Variants in DLGAP2 observed in about 807,000 individuals in gnomAD.
DLGAP2 encodes the protein DLG associated protein 2, also known as disks large-associated protein 2.
DLGAP2 carries 26 observed loss-of-function variants against 100.3 expected under a neutral mutation model. The observed-to-expected ratio is 0.26, with a 90% CI of 0.19 to 0.36. DLGAP2 has a LOEUF of 0.36. Among genes scored for constraint, DLGAP2 ranks in the 10% least tolerant of loss-of-function variants. DLGAP2 has a pLI of 1.00. For synonymous variants in DLGAP2, 886 were observed against 630.1 expected, an observed-to-expected ratio of 1.41 and a Z score of -6.08; for missense variants, 1,858 against 1,453.2, an observed-to-expected ratio of 1.28 and a Z score of -4.53.
chr8:1,436,894 A>C (rs1797648053), intron 3 of DLGAP2, among the ~76,000 whole-genome samples: 1 of 152,234 alleles, frequency 6.6e-6, no homozygotes, highest in African/African-American at 2.4e-5. Context: ...ATGTTGAGAT[A>C]CACAACTTCT....
intron 2 of DLGAP2, among the ~76,000 whole-genome samples, chr8:1,017,594 G>A: frequency 7.0e-6 from 1 of 143,220 alleles, no homozygotes; most frequent in Admixed American, 6.9e-5. Flanking sequence ...CCTCCACTGT[G>A]TGTGACCAGG....
intron 2 of DLGAP2, among the ~76,000 whole-genome samples, chr8:1,104,045 G>T (rs1585062739): frequency 6.6e-6 from 1 of 152,184 alleles, no homozygotes; most frequent in African/African-American, 2.4e-5. Flanking sequence ...ACACAGGATT[G>T]CTCGGCCGGC....
At chr8:1,117,228 G>A (rs547800882) in intron 2 of DLGAP2, among the ~76,000 whole-genome samples, 1 of 152,332 alleles carries the variant, frequency 6.6e-6, no homozygotes, top group South Asian at 2.1e-4. Context: ...GCACAGTGCC[G>A]AGCTAGTGCC....
intron 2 of DLGAP2, among the ~76,000 whole-genome samples, chr8:1,104,630 C>T (rs1804695804): frequency 6.6e-6 from 1 of 152,176 alleles, no homozygotes; most frequent in South Asian, 2.1e-4. Flanking sequence ...TGGGCTGCTC[C>T]AGGAAATCGC....
At chr8:1,436,722 C>CACCCATTCACTCACCCACTT (rs999778069) in intron 3 of DLGAP2, among the ~76,000 whole-genome samples, 5 of 152,190 alleles carry the variant, frequency 3.3e-5, no homozygotes, top group Non-Finnish European at 7.3e-5. Context: ...ACTCCCCACT[C>CACCCATTCACTCACCCACTT]ACCCATTCAC....
chr8:1,580,191 C>G (rs1316563262), intron 6 of DLGAP2, among the ~76,000 whole-genome samples: 1 of 152,164 alleles, frequency 6.6e-6, no homozygotes, highest in Non-Finnish European at 1.5e-5. Context: ...CCTTCAAACT[C>G]TCAGAGAAAA....
chr8:764,425 T>C (rs1056414223), intron 1 of DLGAP2, among the ~76,000 whole-genome samples: 23 of 152,352 alleles, frequency 1.5e-4, no homozygotes, highest in Admixed American at 8.5e-4. Flanking sequence ...ACGCCTATTA[T>C]ATACTTTGTC....
At chr8:774,367 T>C (rs1821451814) in intron 1 of DLGAP2, among the ~76,000 whole-genome samples, 1 of 152,250 alleles carries the variant, frequency 6.6e-6, no homozygotes, top group Admixed American at 6.5e-5. Context: ...ATCCCATTTG[T>C]CAATTTTGGC....
At chr8:1,263,377 A>C (rs1441218888) in intron 3 of DLGAP2, among the ~76,000 whole-genome samples, 1 of 152,206 alleles carries the variant, frequency 6.6e-6, no homozygotes, top group African/African-American at 2.4e-5. Context: ...CACAATCTGC[A>C]TGCTGCCCTT....
chr8:841,980 A>C (rs1388536443), intron 1 of DLGAP2, among the ~76,000 whole-genome samples: 1 of 152,172 alleles, frequency 6.6e-6, no homozygotes, highest in Non-Finnish European at 1.5e-5. Context: ...TAACATAACG[A>C]TTTGGACACT....
In DLGAP2 at chr8:1,350,754, CGCGCGG is replaced by C. The variant is rs1801699771; in HGVS notation, c.106+91873_106+91878del. Among the ~76,000 whole-genome samples the C allele has an allele frequency of 2.8e-5, 2 of 70,778 alleles. 1 individual carries two copies. The highest frequency in any genetic ancestry group is 5.7e-5 in the Non-Finnish European group (2 of 35,244). The allele number at this position is 70,778 out of a possible 152,430, so 46.4% of individuals were successfully genotyped here. A position where few individuals can be genotyped will look rare whatever the true frequency, so the allele number is the denominator to read the frequency against. On this transcript the variant is annotated intron_variant, in intron 3 of 14. Coordinates refer to ENST00000637795, the MANE Select transcript of DLGAP2 (RefSeq NM_001346810.2). ...GGGTCCTGAGTGTGTGTGGAAAGGC[CGCGCGG>C]GTCCTGAGCGTGCGTGGAAAGGCCG... is the stretch of plus-strand genomic sequence containing the variant.
chr8:830,602 G>A (rs767335056), intron 1 of DLGAP2, among the ~76,000 whole-genome samples: 7 of 152,016 alleles, frequency 4.6e-5, no homozygotes, highest in Non-Finnish European at 8.8e-5. Flanking sequence ...TTTAAGTTAC[G>A]GGTGCTACTG....
chr8:1,116,720 G>C (rs931121852), intron 2 of DLGAP2, among the ~76,000 whole-genome samples: 1 of 152,058 alleles, frequency 6.6e-6, no homozygotes, highest in Non-Finnish European at 1.5e-5. Flanking sequence ...AGGATTGCCT[G>C]AGTTCAGGAG....
intron 1 of DLGAP2, among the ~76,000 whole-genome samples, chr8:842,452 C>G (rs1207830772): frequency 6.6e-6 from 1 of 152,210 alleles, no homozygotes; most frequent in African/African-American, 2.4e-5. Context: ...TTAAAAGTAA[C>G]TCATCTTTCT....
intron 3 of DLGAP2, among the ~76,000 whole-genome samples, chr8:1,316,865 C>G (rs1299191889): frequency 2.3e-4 from 33 of 140,494 alleles, no homozygotes; most frequent in African/African-American, 7.6e-4. Flanking sequence ...GTGGTCTACA[C>G]TCGAGAAACT....
At chr8:763,891 T>A (rs929773254) in intron 1 of DLGAP2, among the ~76,000 whole-genome samples, 2 of 152,248 alleles carry the variant, frequency 1.3e-5, no homozygotes, top group Admixed American at 6.5e-5. Flanking sequence ...TAAAACAGTA[T>A]TTAGAATTAA....
intron 4 of DLGAP2, among the ~76,000 whole-genome samples, chr8:1,522,333 G>A (rs1479717047): frequency 1.3e-5 from 2 of 152,180 alleles, no homozygotes; most frequent in African/African-American, 4.8e-5. Flanking sequence ...TGGTAGTTTT[G>A]CTGAAAGCCG....
chr8:1,476,987 G>T (rs1798950977), intron 3 of DLGAP2, among the ~76,000 whole-genome samples: 1 of 152,020 alleles, frequency 6.6e-6, no homozygotes, highest in Admixed American at 6.6e-5. Context: ...TATGCTTTGT[G>T]TGACCCTCCA....
At chr8:1,193,866 C>T (rs1001018562) in intron 2 of DLGAP2, among the ~76,000 whole-genome samples, 1 of 152,088 alleles carries the variant, frequency 6.6e-6, no homozygotes, top group Non-Finnish European at 1.5e-5. Flanking sequence ...GCCTCTAGAG[C>T]CTCCGCACCG....
Sources: gnomAD v4.1 joint callset for allele counts (sites outside exome capture counted in the v4.1 genomes callset) on GRCh38, gnomAD v4.1.1 for gene constraint, MANE v1.5 for transcripts, NCBI Gene and HGNC (gene_info 2026-07-23, HGNC 2026-07-21) for gene names.